The following MAU2 variants were observed in gnomAD, a reference collection of about 807,000 sequenced individuals.
MAU2 encodes MAU2 chromatid cohesion factor homolog.
A neutral mutation model predicts 89.1 loss-of-function variants in MAU2; 9 were observed. The observed-to-expected ratio is 0.10, with a 90% CI of 0.06 to 0.18. The LOEUF (loss-of-function observed/expected upper bound fraction) is 0.18, where lower values mean the gene tolerates loss of function less well. Ranked by LOEUF, MAU2 falls within the 10% of genes least tolerant of loss-of-function variation. The probability of loss-of-function intolerance (pLI) is 1.00; values close to 1 mark genes in which losing one functional copy is unlikely to be tolerated. For missense variants in MAU2, 425 were observed against 803.5 expected (o/e 0.53, Z 5.69); for synonymous variants, 357 against 343.4 (o/e 1.04, Z -0.44).
In MAU2 at chr19:19,355,370, C is replaced by T; in HGVS notation, c.1746C>T (p.Leu582=). 2.5e-6 allele frequency: 4 copies of T among 1,614,054 alleles called. No homozygotes were observed. Among genetic ancestry groups the T allele is most frequent in the Non-Finnish European group, 3.4e-6 (4 of 1,179,972 alleles). Reference sequence around the variant, plus strand: ...AGGACCACATTGAGGCCTGCAGCCTCCCCGAACACAACCTCATCACGGTAC... The same window carrying T: ...AGGACCACATTGAGGCCTGCAGCCTTCCCGAACACAACCTCATCACGGTAC... ...LLQDHIEACS[L]PEHNLITWTD... The change falls in exon 18 of 19, where the codon CTC becomes CTT. Residue 582 remains leucine, a synonymous_variant. Transcript: ENST00000262815.
Position 19,357,786 on chromosome 19 carries a change from G to A in MAU2, c.*2004G>A, listed in dbSNP as rs2048196190. 1 of 152,096 alleles carries A rather than the reference G, an allele frequency of 6.6e-6. No homozygotes were observed. The highest frequency in any genetic ancestry group is 2.4e-5 in the African/African-American group (1 of 41,368). 9.4% of individuals were successfully genotyped at this position (152,096 alleles called of 1,614,324 possible). On this transcript the variant is annotated 3_prime_UTR_variant, in exon 19 of 19. Transcript: ENST00000262815. ...AATATTCTACTCGAGCTTTATGGAA[G>A]CCAAATCATGTGCATGTGTGTGTGT...
chr19:19,323,488 C>A (rs527878384), intron 1 of MAU2, among the ~76,000 whole-genome samples: 1 of 152,066 alleles, frequency 6.6e-6, no homozygotes, highest in Non-Finnish European at 1.5e-5. Flanking sequence ...GTCACCACAT[C>A]TGGCCAGTTT....
intron 3 of MAU2, 106 bp from the exon 4 acceptor site, chr19:19,337,064 A>G (rs2061602609): frequency 1.2e-6 from 1 of 804,550 alleles, no homozygotes; most frequent in Non-Finnish European, 2.1e-6. Context: ...GTAAGCATGA[A>G]CAGGAACTGC....
intron 6 of MAU2, 101 bp from the exon 7 acceptor site, chr19:19,341,151 G>A (rs2061642172): frequency 1.4e-6 from 2 of 1,390,896 alleles, no homozygotes; most frequent in Admixed American, 4.1e-5. Flanking sequence ...CTGGATTGGT[G>A]GCAGCAGTCC....
rs759335717 is a variant in MAU2 at position 19,320,931 on chromosome 19, G to T, written c.72G>T (p.Ser24=). ...AQAAQAEAAD[S]WYLALLGFAE... ...CTGCGCAGGCCGAGGCGGCCGACTCGTGGTACCTGGCGCTTCTGGGCTTCG... is the reference window on the plus strand; with the variant it reads ...CTGCGCAGGCCGAGGCGGCCGACTCTTGGTACCTGGCGCTTCTGGGCTTCG... Residue 24 remains serine (S), a synonymous_variant, in exon 1 of 19, where the codon TCG becomes TCT. Transcript: ENST00000262815. The T allele has an allele frequency of 2.5e-6, 4 of 1,570,504 alleles. No homozygotes were observed. The Admixed American group carries it at 7.4e-5, about 29-fold the overall frequency.
intron 3 of MAU2, among the ~76,000 whole-genome samples, chr19:19,336,802 C>T (rs929459202): frequency 9.9e-5 from 15 of 152,192 alleles, no homozygotes; most frequent in African/African-American, 1.7e-4. Context: ...AGAATGATGA[C>T]GGGTAAGGTG....
intron 4 of MAU2, among the ~76,000 whole-genome samples, chr19:19,338,434 CTT>C (rs1403837516): frequency 1.3e-5 from 2 of 152,254 alleles, no homozygotes; most frequent in East Asian, 3.8e-4. Context: ...CCTGTTCAGA[CTT>C]TGACACTTGC....
intron 18 of MAU2, 90 bp downstream of exon 18, chr19:19,355,481 G>C: frequency 6.4e-7 from 1 of 1,559,776 alleles, no homozygotes; most frequent in East Asian, 2.3e-5. Flanking sequence ...TTTCTCTTTT[G>C]TCCAACAAAC....
intron 1 of MAU2, among the ~76,000 whole-genome samples, chr19:19,334,837 G>A (rs551487068): frequency 1.3e-5 from 2 of 152,298 alleles, no homozygotes; most frequent in African/African-American, 4.8e-5. Flanking sequence ...CACACATGCT[G>A]CCCTGCCCCA....
intron 12 of MAU2, among the ~76,000 whole-genome samples, chr19:19,346,070 T>C (rs1301952113): frequency 1.3e-5 from 2 of 152,140 alleles, no homozygotes; most frequent in Admixed American, 6.5e-5. Context: ...CAGGGAGTCC[T>C]GTGTGCGCCC....
At chr19:19,330,884 A>G (rs566004980) in intron 1 of MAU2, among the ~76,000 whole-genome samples, 2 of 152,290 alleles carry the variant, frequency 1.3e-5, no homozygotes, top group East Asian at 3.9e-4. Context: ...GAGGGATACC[A>G]TGTCTAAAAA....
rs1199357283 is a variant in MAU2, at chr19:19,358,319, C to T, written c.*2537C>T. 1 of 152,248 alleles carries T rather than the reference C, an allele frequency of 6.6e-6. No homozygotes were observed. Among genetic ancestry groups the T allele is most frequent in the Non-Finnish European group, 1.5e-5 (1 of 68,088 alleles). 9.4% of individuals were successfully genotyped at this position (152,248 alleles called of 1,614,324 possible). ...GGTCTGACCAGGAGGCCACCTACAG[C>T]AGGAAGTGAGGCTGCCATGTTTCCT... On this transcript the variant is annotated 3_prime_UTR_variant, in exon 19 of 19. Transcript: ENST00000262815.
intron 13 of MAU2, 61 bp downstream of exon 13, chr19:19,347,427 A>G: frequency 7.2e-7 from 1 of 1,397,518 alleles, no homozygotes; most frequent in South Asian, 1.2e-5. Context: ...TTGGGGAACC[A>G]GGGGGTTGTC....
intron 5 of MAU2, 93 bp from the exon 6 acceptor site, chr19:19,340,753 G>A (rs1727312464): frequency 1.5e-6 from 2 of 1,322,494 alleles, no homozygotes; most frequent in African/African-American, 1.4e-5. Flanking sequence ...CCCTGAGGTG[G>A]CATATTAGGT....
intron 12 of MAU2, among the ~76,000 whole-genome samples, chr19:19,346,668 A>G (rs1352396749): frequency 6.6e-6 from 1 of 152,176 alleles, no homozygotes; most frequent in Admixed American, 6.5e-5. Context: ...CCCACTGGGA[A>G]CCAGGGTCTG....
intron 4 of MAU2, among the ~76,000 whole-genome samples, chr19:19,338,510 C>T (rs2061614788): frequency 6.6e-6 from 1 of 152,206 alleles, no homozygotes. Flanking sequence ...GAAGACAGAC[C>T]CCACAAAGCA....
At chr19:19,346,748 G>A (rs2061696297) in intron 12 of MAU2, 1 of 155,130 alleles carries the variant, frequency 6.4e-6, no homozygotes, top group African/African-American at 2.4e-5. Flanking sequence ...AAGAGCCAGG[G>A]ACCATGGCCC....
At position 19,357,264 on chromosome 19, in the gene MAU2, G is replaced by A. The variant is rs2048190386; in HGVS notation, c.*1482G>A. 1.3e-5 allele frequency: 2 copies of A among 152,298 alleles called. No individual in the cohort carries two copies. Among genetic ancestry groups the A allele is most frequent in the African/African-American group, 4.8e-5 (2 of 41,438 alleles). The allele number at this position is 152,298 out of a possible 1,614,324, so 9.4% of individuals were successfully genotyped here. ...GGCTGGTGAGGGTTTGTCCTAAGAG[G>A]ACCACCGCCATCTCTGGGTCTCCAG... is the stretch of plus-strand genomic sequence containing the variant. On this transcript the variant is annotated 3_prime_UTR_variant, in exon 19 of 19. Coordinates refer to ENST00000262815, the MANE Select transcript of MAU2 (RefSeq NM_015329.4).
intron 16 of MAU2, among the ~76,000 whole-genome samples, 153 bp downstream of exon 16, chr19:19,349,589 G>T (rs2061724600): frequency 6.6e-6 from 1 of 152,230 alleles, no homozygotes; most frequent in South Asian, 2.1e-4. Context: ...CCACAGCCTG[G>T]GCAGGCAGGG....
Sources: gnomAD v4.1 joint callset for allele counts (sites outside exome capture counted in the v4.1 genomes callset) on GRCh38, gnomAD v4.1.1 for gene constraint, MANE v1.5 for transcripts, NCBI Gene and HGNC (gene_info 2026-07-23, HGNC 2026-07-21) for gene names.